PLXDC1: variants seen among roughly 807,000 people sequenced by gnomAD.
PLXDC1 encodes plexin domain-containing protein 1.
PLXDC1 carries 39 observed loss-of-function variants against 61.3 expected under a neutral mutation model. The ratio of observed to expected loss-of-function variants is 0.64; its 90% CI spans 0.49 to 0.83. PLXDC1 has a LOEUF of 0.83. Ranked by LOEUF, PLXDC1 falls within the 40% of genes least tolerant of loss-of-function variation. PLXDC1 has a pLI of 0.00. For missense variants in PLXDC1, 596 were observed against 666.5 expected (o/e 0.89, Z 1.17); for synonymous variants, 212 against 254.5 (o/e 0.83, Z 1.59).
chr17:39,129,688 A>AAAAGAAAGAAAGAAAGAAGG (rs1597656686), intron 2 of PLXDC1, among the ~76,000 whole-genome samples: 7 of 65,022 alleles, frequency 1.1e-4, no homozygotes, highest in African/African-American at 2.4e-4. Context: ...AGGGAGAAAG[A>AAAAGAAAGAAAGAAAGAAGG]AAAGAAAGAA....
rs570391702 is a variant in PLXDC1, at chr17:39,072,584, T to C, written c.1187-99A>G. On this transcript the variant is annotated intron_variant, in intron 11 of 13. Coordinates refer to ENST00000315392, the MANE Select transcript of PLXDC1 (RefSeq NM_020405.5). ...GATGAAAGTTCAGCCCAAACTTTCA[T>C]TTTAGAGGTAAGGAAACTGAGGCTC... 1.4e-3 allele frequency: 1,152 copies of C among 801,958 alleles called. 2 individuals are homozygous for C. Among genetic ancestry groups the C allele is most frequent in the Non-Finnish European group, 2.2e-3 (1,017 of 463,228 alleles). 49.7% of individuals were successfully genotyped at this position (801,958 alleles called of 1,614,324 possible).
intron 7 of PLXDC1, among the ~76,000 whole-genome samples, chr17:39,088,706 C>T (rs1598190650): frequency 6.6e-6 from 1 of 151,840 alleles, no homozygotes; most frequent in African/African-American, 2.4e-5. Flanking sequence ...TTTGGGAGGC[C>T]GAGGCAGGTG....
intron 7 of PLXDC1, among the ~76,000 whole-genome samples, chr17:39,098,803 T>C (rs896598398): frequency 8.5e-5 from 13 of 152,128 alleles, no homozygotes; most frequent in African/African-American, 2.9e-4. Flanking sequence ...GTCATACCGA[T>C]GTGGACAGCC....
intron 2 of PLXDC1, among the ~76,000 whole-genome samples, chr17:39,127,943 C>CAAAAAAAAAA (rs35444362): frequency 5.7e-5 from 3 of 52,908 alleles, no homozygotes; most frequent in Non-Finnish European, 9.6e-5. Context: ...CTCCATCTCA[C>CAAAAAAAAAA]AAAAAAAAAA....
intron 2 of PLXDC1, among the ~76,000 whole-genome samples, chr17:39,110,120 T>G (rs1444037412): frequency 1.4e-5 from 2 of 139,984 alleles, no homozygotes; most frequent in Non-Finnish European, 3.2e-5. Flanking sequence ...AGCGAGACTC[T>G]GTCTCAAAAG....
Position 39,151,420 on chromosome 17 carries a change from C to G in PLXDC1, c.18G>C (p.Trp6Cys), listed in dbSNP as rs1727666150. 2 of 1,292,442 alleles carry G rather than the reference C, an allele frequency of 1.5e-6. No individual in the cohort carries two copies. Among genetic ancestry groups the G allele is most frequent in the Non-Finnish European group, 2.0e-6 (2 of 1,018,560 alleles). The allele number at this position is 1,292,442 out of a possible 1,614,324, so 80.1% of individuals were successfully genotyped here. A position where few individuals can be genotyped will look rare whatever the true frequency, so the allele number is the denominator to read the frequency against. The change falls in exon 1 of 14, where the codon TGG becomes TGC. Residue 6 changes from tryptophan (W) to cysteine (C), a missense_variant. Transcript: ENST00000315392. The surrounding 1 kb of genome is among the most constrained non-coding windows in gnomAD (Gnocchi z 5.2). The part of the protein sequence containing the change: MRGEL[W>C]LLVLVLREAA... ...CCTCCCTGAGCACCAGCACCAGGAGCCAGAGCTCGCCTCGCATGGTGGGTG... is the reference window on the plus strand; with the variant it reads ...CCTCCCTGAGCACCAGCACCAGGAGGCAGAGCTCGCCTCGCATGGTGGGTG...
chr17:39,067,933 C>T lies in PLXDC1; in HGVS notation c.1410G>A (p.Met470Ile), dbSNP rs752941841. Residue 470 changes from methionine (M) to isoleucine (I), a missense_variant, in exon 14 of 14, where the codon ATG (methionine) becomes ATA (isoleucine). Physicochemically the swap from Met to Ile is conservative, Grantham distance 10. Transcript: ENST00000315392. Reference sequence around the variant, plus strand: ...AATGGTCAGGGTGGCTGCGAAACTTCATGGCTGGCCAGTGGTGAGGTCTAC... The same window carrying T: ...AATGGTCAGGGTGGCTGCGAAACTTTATGGCTGGCCAGTGGTGAGGTCTAC... ...IERRPHHWPAMKFRSHPDHST... is the reference protein window; with the variant it reads ...IERRPHHWPAIKFRSHPDHST... 5 of 1,614,000 alleles carry T rather than the reference C, an allele frequency of 3.1e-6. No individual in the cohort carries two copies. The highest frequency in any genetic ancestry group is 4.2e-6 in the Non-Finnish European group (5 of 1,179,986).
Position 39,122,871 on chromosome 17 carries a change from C to A in PLXDC1, c.256-13480G>T, listed in dbSNP as rs867137576. Reference sequence around the variant, plus strand: ...TTGGTCCTGAAATCATTTCTTCCAACAAATCTTTCATAGAAGCTCAATACA... The same window carrying A: ...TTGGTCCTGAAATCATTTCTTCCAAAAAATCTTTCATAGAAGCTCAATACA... On this transcript the variant is annotated intron_variant, in intron 2 of 13. Transcript: ENST00000315392. Among the ~76,000 whole-genome samples the A allele has an allele frequency of 1.4e-4, 21 of 152,314 alleles. No homozygotes were observed. The Middle Eastern group carries it at 0.014, about 99-fold the overall frequency.
intron 9 of PLXDC1, among the ~76,000 whole-genome samples, chr17:39,082,585 AAGG>A (rs1909603920): frequency 6.6e-6 from 1 of 150,988 alleles, no homozygotes; most frequent in Non-Finnish European, 1.5e-5. Context: ...AAGCACTGGA[AAGG>A]AGCATTGGAA....
intron 8 of PLXDC1, among the ~76,000 whole-genome samples, 195 bp from the exon 9 acceptor site, chr17:39,083,735 G>T (rs574397785): frequency 1.8e-4 from 27 of 151,960 alleles, no homozygotes; most frequent in Non-Finnish European, 3.5e-4. Context: ...ATGAGGTCTC[G>T]CTGTGTTGCC....
chr17:39,069,329 C>T (rs933990921), intron 13 of PLXDC1, among the ~76,000 whole-genome samples: 3 of 152,136 alleles, frequency 2.0e-5, no homozygotes, highest in Non-Finnish European at 4.4e-5. Flanking sequence ...TAGTCTCAAA[C>T]TCCTGTGCTC....
At chr17:39,086,844 A>T (rs1172545029) in intron 8 of PLXDC1, among the ~76,000 whole-genome samples, 3 of 116,156 alleles carry the variant, frequency 2.6e-5, no homozygotes, top group South Asian at 6.5e-4. Flanking sequence ...CCTGGGCAAC[A>T]GAGTGAGACT....
chr17:39,073,781 C>A (rs1598183385), intron 11 of PLXDC1, among the ~76,000 whole-genome samples: 2 of 152,358 alleles, frequency 1.3e-5, no homozygotes, highest in African/African-American at 4.8e-5. Context: ...GTGTTCTGTT[C>A]TGTTGCTTAT....
intron 2 of PLXDC1, among the ~76,000 whole-genome samples, chr17:39,128,091 C>A (rs201636183): frequency 0.15 from 9,352 of 62,980 alleles, 1,268 homozygotes; most frequent in Middle Eastern, 0.37. Context: ...CTCTCTCTCT[C>A]TATGTGTATA....
chr17:39,144,342 A>G (rs1912027547), intron 1 of PLXDC1, among the ~76,000 whole-genome samples: 2 of 152,240 alleles, frequency 1.3e-5, no homozygotes, highest in Admixed American at 1.3e-4. Context: ...ATGAGGTTTT[A>G]TAGAGAGCTC....
intron 1 of PLXDC1, among the ~76,000 whole-genome samples, chr17:39,143,364 G>C (rs1158856151): frequency 6.6e-6 from 1 of 152,078 alleles, no homozygotes; most frequent in Non-Finnish European, 1.5e-5. Flanking sequence ...CCTTCCCCCA[G>C]CCCACTCCCC....
chr17:39,108,948 G>A lies in PLXDC1; in HGVS notation c.425C>T (p.Pro142Leu). The A allele has an allele frequency of 6.8e-6, 11 of 1,613,636 alleles. No homozygotes were observed. Among genetic ancestry groups the A allele is most frequent in the Non-Finnish European group, 8.5e-6 (10 of 1,179,692 alleles). ...CTGCCGCAGAGGATGCCCGTAGAAAGGGAAATCAAAGGACAAGACCACTCT... is the reference window on the plus strand; with the variant it reads ...CTGCCGCAGAGGATGCCCGTAGAAAAGGAAATCAAAGGACAAGACCACTCT... The part of the protein sequence containing the change: ...ASRVVLSFDF[P>L]FYGHPLRQIT... Residue 142 changes from proline to leucine, a missense_variant, in exon 4 of 14, where the codon CCT becomes CTT. Physicochemically the swap from Pro to Leu is moderately conservative, Grantham distance 98. Coordinates refer to ENST00000315392, the MANE Select transcript of PLXDC1 (RefSeq NM_020405.5).
At position 39,151,037 on chromosome 17, in the gene PLXDC1, A is replaced by T. The variant is rs369459060; in HGVS notation, c.76+325T>A. Among the ~76,000 whole-genome samples, 112 of 152,218 alleles carry T rather than the reference A, an allele frequency of 7.4e-4. No individual in the cohort carries two copies. Among genetic ancestry groups the T allele is most frequent in the African/African-American group, 2.6e-3 (108 of 41,536 alleles). The stretch of plus-strand genomic sequence containing the variant: ...TCAGAATTCAGCCTTGCCTGGGGTG[A>T]TCAGGGGTCCTGATGACTCTCCCGC... On this transcript the variant is annotated intron_variant, in intron 1 of 13. Coordinates refer to ENST00000315392, the MANE Select transcript of PLXDC1 (RefSeq NM_020405.5). The surrounding 1 kb of genome is among the most constrained non-coding windows in gnomAD (Gnocchi z 5.2).
chr17:39,150,324 G>A (rs1339630638), intron 1 of PLXDC1, among the ~76,000 whole-genome samples: 1 of 152,070 alleles, frequency 6.6e-6, no homozygotes, highest in Non-Finnish European at 1.5e-5. Flanking sequence ...TTAAAGTCAA[G>A]AACATTGCCA....
Sources: gnomAD v4.1 joint callset for allele counts (sites outside exome capture counted in the v4.1 genomes callset) on GRCh38, gnomAD v4.1.1 for gene constraint, Gnocchi (gnomAD v3.1) non-coding constraint, MANE v1.5 for transcripts, NCBI Gene and HGNC (gene_info 2026-07-23, HGNC 2026-07-21) for gene names.